The following MFSD12 variants were observed in gnomAD, a reference collection of about 807,000 sequenced individuals.
MFSD12 encodes major facilitator superfamily domain containing 12, also known as major facilitator superfamily domain-containing protein 12.
A neutral mutation model predicts 51.2 loss-of-function variants in MFSD12; 67 were observed. That is an observed-to-expected ratio of 1.31 (90% CI 1.08 to 1.60). The LOEUF is 1.60. MFSD12 is among the 40% of genes most tolerant of loss of function. MFSD12 has a pLI of 0.00. For missense variants in MFSD12, 921 were observed against 673.0 expected, an observed-to-expected ratio of 1.37 and a Z score of -4.08; for synonymous variants, 441 against 316.7, an observed-to-expected ratio of 1.39 and a Z score of -4.17.
At chr19:3,553,263 CT>C (rs1238634059) in intron 1 of MFSD12, among the ~76,000 whole-genome samples, 1 of 152,046 alleles carries the variant, frequency 6.6e-6, no homozygotes, top group Non-Finnish European at 1.5e-5. Flanking sequence ...GCTGCCTGGC[CT>C]GGGGACCTCG....
downstream of MFSD12, chr19:3,543,882 G>C: frequency 2.6e-6 from 4 of 1,550,504 alleles, no homozygotes; most frequent in Non-Finnish European, 3.5e-6. Context: ...ATCAGACTAC[G>C]TGCCCTCCCT....
intron 2 of MFSD12, among the ~76,000 whole-genome samples, chr19:3,548,985 G>A (rs960590916): frequency 5.9e-5 from 9 of 152,222 alleles, no homozygotes; most frequent in Non-Finnish European, 8.8e-5. Flanking sequence ...CCCCCGACAC[G>A]AAGGCGCTGT....
chr19:3,544,939 G>T lies in MFSD12; in HGVS notation c.1290C>A (p.Pro430=). The T allele has an allele frequency of 6.2e-7, 1 of 1,605,930 alleles. No individual in the cohort carries two copies. The highest frequency in any genetic ancestry group is 8.5e-7 in the Non-Finnish European group (1 of 1,177,440). The part of the protein sequence containing the change: ...VMAIQSLHPC[P]SELCCRACVS... ...CGCAGGCCCTGCAGCAGAGCTCTGA[G>T]CTGTGGGAGGAGGCGGGGGATGAGT... The change falls in exon 9 of 10, where the codon CCC becomes CCA. Residue 430 remains proline, a splice_region_variant and synonymous_variant. Transcript: ENST00000355415.
chr19:3,547,102 T>G (rs576788530), intron 6 of MFSD12, among the ~76,000 whole-genome samples, 170 bp downstream of exon 6: 1 of 152,214 alleles, frequency 6.6e-6, no homozygotes, highest in East Asian at 1.9e-4. Flanking sequence ...CCTCCCAAAG[T>G]GCTGGGATTA....
chr19:3,538,910 C>A, intron 4 of MFSD12: 1 of 657,914 alleles, frequency 1.5e-6, no homozygotes. Flanking sequence ...GATGGAGAAG[C>A]CAGACCCCAG....
rs1178949154 is a variant in MFSD12 at position 3,551,157 on chromosome 19, G to A, written c.336C>T (p.Phe112=). ...VCVLLSFPFI[F]SPCLGCGAAT... ...CCGCCCCACAGCCCAGGCAGGGGCT[G>A]AAGATGAAGGGGAAGGACAGCAGGA... Residue 112 remains phenylalanine (F), a synonymous_variant, in exon 2 of 10, where the codon TTC becomes TTT. Transcript: ENST00000355415. This position sits in a 1 kb window ranked among gnomAD's most constrained non-coding sequence, Gnocchi z 4.6. 1.2e-6 allele frequency: 2 copies of A among 1,612,220 alleles called. No homozygotes were observed. Among genetic ancestry groups the A allele is most frequent in the African/African-American group, 1.3e-5 (1 of 75,058 alleles).
chr19:3,556,905 C>T (rs1359561041), intron 1 of MFSD12, among the ~76,000 whole-genome samples: 2 of 152,012 alleles, frequency 1.3e-5, no homozygotes, highest in Admixed American at 6.5e-5. Context: ...AAACTCAGCT[C>T]ATAGGGCAGA....
intron 2 of MFSD12, among the ~76,000 whole-genome samples, chr19:3,549,218 C>T (rs2031307221): frequency 6.6e-6 from 1 of 152,186 alleles, no homozygotes; most frequent in South Asian, 2.1e-4. Flanking sequence ...AAGCCGGGCA[C>T]CCGCTGTACC....
rs147903648 is a variant in MFSD12, at chr19:3,546,058, G to C, written c.1289+16C>G. The C allele has an allele frequency of 1.9e-6, 3 of 1,611,968 alleles. No homozygotes were observed. The highest frequency in any genetic ancestry group is 2.5e-6 in the Non-Finnish European group (3 of 1,178,872). ...TTACTGAACAAAAGAATGAATGAAC[G>C]AACAGCGGCACTCACGGGCAAGGGT... On this transcript the variant is annotated intron_variant, in intron 8 of 9. Coordinates refer to ENST00000355415, the MANE Select transcript of MFSD12 (RefSeq NM_174983.5).
chr19:3,543,444 A>G, downstream of MFSD12: 1 of 1,541,664 alleles, frequency 6.5e-7, no homozygotes, highest in South Asian at 1.2e-5. Context: ...CACAGCTGCT[A>G]CCAACACCGT....
At chr19:3,541,622 A>C, downstream of MFSD12, 1 of 984,850 alleles carries the variant, frequency 1.0e-6, no homozygotes, top group Non-Finnish European at 1.2e-6. Context: ...CACCCAGTGC[A>C]AGACCCTATT....
chr19:3,544,770 G>A (rs770587386), intron 9 of MFSD12, 38 bp from the exon 10 acceptor site: 1 of 1,608,360 alleles, frequency 6.2e-7, no homozygotes, highest in Non-Finnish European at 8.5e-7. Context: ...AGAGAGTGTG[G>A]GTCAGTGTCT....
chr19:3,547,559 C>A lies in MFSD12; in HGVS notation c.838-12G>T. The A allele has an allele frequency of 6.2e-7, 1 of 1,602,840 alleles. No individual in the cohort carries two copies. The highest frequency in any genetic ancestry group is 8.5e-7 in the Non-Finnish European group (1 of 1,174,642). ...TACAGTATGCCCACCTGTGGGCAGA[C>A]CGACAGAGGGACTGGCAGGGGTCAG... is the stretch of plus-strand genomic sequence containing the variant. On this transcript the variant is annotated splice_polypyrimidine_tract_variant and intron_variant, in intron 4 of 9. Transcript: ENST00000355415.
downstream of MFSD12, chr19:3,543,246 T>C (rs777506789): frequency 2.2e-5 from 34 of 1,544,886 alleles, no homozygotes; most frequent in South Asian, 1.7e-4. Context: ...GATGACTACC[T>C]GTCCCTGGAG....
chr19:3,553,380 G>A (rs1379073446), intron 1 of MFSD12, among the ~76,000 whole-genome samples: 7 of 151,932 alleles, frequency 4.6e-5, no homozygotes, highest in African/African-American at 7.3e-5. Context: ...GGCTGAGGTG[G>A]GAGGACTGCT....
At chr19:3,543,489 CCCG>C, downstream of MFSD12, 2 of 1,521,028 alleles carry the variant, frequency 1.3e-6, no homozygotes, top group Middle Eastern at 2.3e-4. Context: ...TGCCCCCCCC[CCCG>C]CCCTGGGCAG....
At chr19:3,540,089 C>CT (rs770199097), downstream of MFSD12, 5,232 of 88,158 alleles carry the variant, frequency 0.059, 208 homozygotes, top group Middle Eastern at 0.093. Context: ...CATCTCTTTT[C>CT]TTTTTTTTTT....
intron 8 of MFSD12, 66 bp downstream of exon 8, chr19:3,546,008 C>G: frequency 6.5e-7 from 1 of 1,534,052 alleles, no homozygotes; most frequent in African/African-American, 1.4e-5. Flanking sequence ...CACTGCTGGA[C>G]ACACAGCAGG....
chr19:3,539,417 C>T, downstream of MFSD12: 1 of 595,218 alleles, frequency 1.7e-6, no homozygotes, highest in Non-Finnish European at 3.0e-6. Context: ...TTCCTGTTCC[C>T]CTCCGGCCAG....
Sources: gnomAD v4.1 joint callset for allele counts (sites outside exome capture counted in the v4.1 genomes callset) on GRCh38, gnomAD v4.1.1 for gene constraint, Gnocchi (gnomAD v3.1) non-coding constraint, MANE v1.5 for transcripts, NCBI Gene and HGNC (gene_info 2026-07-23, HGNC 2026-07-21) for gene names.